Variants in CNTN6 observed in about 807,000 individuals in gnomAD.
CNTN6 encodes the protein contactin-6.
CNTN6 carries 137 observed loss-of-function variants against 122.8 expected under a neutral mutation model. That is an observed-to-expected ratio of 1.12 (90% CI 0.97 to 1.29). CNTN6 has a LOEUF of 1.29. Among genes scored for constraint, CNTN6 ranks in the 50% most tolerant of loss-of-function variants. The pLI is 0.00. For missense variants in CNTN6, 1,634 were observed against 1,223.4 expected (o/e 1.34, Z -5.01); for synonymous variants, 570 against 426.0 (o/e 1.34, Z -4.16).
rs372636926 is a variant in CNTN6, at chr3:1,327,580, G to A, written c.1207G>A (p.Val403Ile). ...QIIYANAELR[V>I]LASAPDFSKS... Reference sequence around the variant, plus strand: ...AATTTATGCAAATGCTGAATTGAGAGTTTTAGGTAAGTCGTTTATTTACAA... The same window carrying A: ...AATTTATGCAAATGCTGAATTGAGAATTTTAGGTAAGTCGTTTATTTACAA... The change falls in exon 10 of 23, where the codon GTT (valine) becomes ATT (isoleucine). Residue 403 changes from valine (V) to isoleucine (I), a missense_variant. Val to Ile is a conservative substitution (Grantham distance 29). Coordinates refer to ENST00000446702, the MANE Select transcript of CNTN6 (RefSeq NM_001289080.2). 1.9e-6 allele frequency: 3 copies of A among 1,609,294 alleles called. No homozygotes were observed. The highest frequency in any genetic ancestry group is 2.7e-5 in the African/African-American group (2 of 74,630).
chr3:1,324,729 T>A (rs1006310276), intron 8 of CNTN6, among the ~76,000 whole-genome samples: 1 of 149,454 alleles, frequency 6.7e-6, no homozygotes, highest in Non-Finnish European at 1.5e-5. Flanking sequence ...GGTGACTACC[T>A]TTTTTTCCTG....
chr3:1,182,284 G>A (rs980563689), intron 2 of CNTN6, among the ~76,000 whole-genome samples: 3 of 152,110 alleles, frequency 2.0e-5, no homozygotes, highest in African/African-American at 7.2e-5. Context: ...ACTAGAACTG[G>A]AATCTGATGA....
chr3:1,247,692 TC>T (rs1292913317), intron 4 of CNTN6, among the ~76,000 whole-genome samples: 1 of 152,206 alleles, frequency 6.6e-6, no homozygotes, highest in African/African-American at 2.4e-5. Flanking sequence ...GGGAAGCTTC[TC>T]CTGTGAACCT....
At chr3:1,351,071 C>T (rs1410705526) in intron 11 of CNTN6, among the ~76,000 whole-genome samples, 3 of 151,714 alleles carry the variant, frequency 2.0e-5, no homozygotes, top group Non-Finnish European at 4.4e-5. Context: ...TGATTATATG[C>T]CATGGAACAT....
At chr3:1,293,868 T>G (rs1367208476) in intron 5 of CNTN6, among the ~76,000 whole-genome samples, 1 of 152,170 alleles carries the variant, frequency 6.6e-6, no homozygotes, top group Non-Finnish European at 1.5e-5. Flanking sequence ...TGTCTTAGCT[T>G]CAGGAAGAAT....
chr3:1,148,390 C>A (rs915782766), intron 2 of CNTN6, among the ~76,000 whole-genome samples: 1 of 151,146 alleles, frequency 6.6e-6, no homozygotes, highest in East Asian at 1.9e-4. Context: ...TTTTTATCAC[C>A]AATAAACAGT....
chr3:1,216,512 C>T (rs2094132782), intron 2 of CNTN6, among the ~76,000 whole-genome samples: 1 of 152,198 alleles, frequency 6.6e-6, no homozygotes, highest in African/African-American at 2.4e-5. Context: ...TTTCATTAGG[C>T]ACTGATACTG....
In CNTN6 at chr3:1,269,425, A is replaced by G. The variant is rs549791576; in HGVS notation, c.359-8988A>G. 2.0e-5 allele frequency among the ~76,000 whole-genome samples: 3 copies of G among 152,350 alleles called. No individual in the cohort carries two copies. The South Asian group carries it at 6.2e-4, about 32-fold the overall frequency. On this transcript the variant is annotated intron_variant, in intron 4 of 22. Coordinates refer to ENST00000446702, the MANE Select transcript of CNTN6 (RefSeq NM_001289080.2). ...GCCAGTTGCCTTTTACTAGTTAAGT[A>G]ATCTGGCATCTCAATGTATCCTATG... is the stretch of plus-strand genomic sequence containing the variant.
intron 2 of CNTN6, among the ~76,000 whole-genome samples, chr3:1,202,336 C>A (rs753622642): frequency 6.6e-6 from 1 of 151,950 alleles, no homozygotes. Flanking sequence ...CTCAGGATAT[C>A]AAGACCATCC....
intron 12 of CNTN6, 78 bp from the exon 13 acceptor site, chr3:1,372,221 A>T: frequency 9.1e-7 from 1 of 1,104,660 alleles, no homozygotes; most frequent in African/African-American, 1.6e-5. Flanking sequence ...ATGAATGATA[A>T]AGTATTCAGA....
At chr3:1,365,519 G>A (rs868661877) in intron 12 of CNTN6, among the ~76,000 whole-genome samples, 1 of 151,702 alleles carries the variant, frequency 6.6e-6, no homozygotes, top group African/African-American at 2.4e-5. Context: ...CAACATTTCC[G>A]GACATTGTTT....
At position 1,227,860 on chromosome 3, in the gene CNTN6, T is replaced by C. The variant is rs2125551680; in HGVS notation, c.225T>C (p.Tyr75=). Residue 75 remains tyrosine, a synonymous_variant, in exon 4 of 23, where the codon TAT becomes TAC. Coordinates refer to ENST00000446702, the MANE Select transcript of CNTN6 (RefSeq NM_001289080.2). ...NGTDIDFTMS[Y]HYRLDGGSLA... ...CAGACATTGATTTTACTATGAGTTATCACTACAGGTTGGATGGAGGCAGTC... is the reference window on the plus strand; with the variant it reads ...CAGACATTGATTTTACTATGAGTTACCACTACAGGTTGGATGGAGGCAGTC... 1.2e-6 allele frequency: 2 copies of C among 1,614,070 alleles called. No individual in the cohort carries two copies. The highest frequency in any genetic ancestry group is 1.7e-5 in the Admixed American group (1 of 60,000).
At chr3:1,109,531 G>T (rs902979855) in intron 1 of CNTN6, among the ~76,000 whole-genome samples, 1 of 151,884 alleles carries the variant, frequency 6.6e-6, no homozygotes, top group African/African-American at 2.4e-5. Context: ...ACTCTAAACA[G>T]AGCCAGTAGC....
At chr3:1,379,383 T>C (rs892605232) in intron 17 of CNTN6, among the ~76,000 whole-genome samples, 1 of 152,100 alleles carries the variant, frequency 6.6e-6, no homozygotes, top group African/African-American at 2.4e-5. Context: ...AAATATTTAC[T>C]ATCTGGTAGC....
chr3:1,395,366 G>GAT (rs1694856859), intron 20 of CNTN6, among the ~76,000 whole-genome samples: 7 of 152,142 alleles, frequency 4.6e-5, no homozygotes. Context: ...GTGCTCAAGG[G>GAT]CTGCACTAGC....
chr3:1,379,175 C>A (rs1311087253), intron 17 of CNTN6, among the ~76,000 whole-genome samples: 1 of 125,298 alleles, frequency 8.0e-6, no homozygotes, highest in African/African-American at 3.7e-5. Flanking sequence ...TAGAGATGAG[C>A]ATGAATTACC....
intron 4 of CNTN6, among the ~76,000 whole-genome samples, chr3:1,265,683 C>T (rs2094915751): frequency 6.6e-6 from 1 of 152,150 alleles, no homozygotes; most frequent in Non-Finnish European, 1.5e-5. Context: ...TCCCCTCCAC[C>T]AAATCCTTCA....
At chr3:1,388,969 A>T (rs1459864883) in intron 20 of CNTN6, among the ~76,000 whole-genome samples, 346 of 138,298 alleles carry the variant, frequency 2.5e-3, no homozygotes, top group Non-Finnish European at 3.5e-3. Context: ...GGAGAATGGA[A>T]CCAAGTTGGA....
At chr3:1,102,891 A>C (rs956676218) in intron 1 of CNTN6, among the ~76,000 whole-genome samples, 1 of 150,872 alleles carries the variant, frequency 6.6e-6, no homozygotes, top group Non-Finnish European at 1.5e-5. Flanking sequence ...GCGGATCACG[A>C]GATCAGGAGA....
Sources: allele counts gnomAD v4.1 joint callset (sites outside exome capture counted in the v4.1 genomes callset), GRCh38; gene constraint gnomAD v4.1.1; transcripts MANE v1.5; gene names NCBI Gene and HGNC (gene_info 2026-07-23, HGNC 2026-07-21).